The following MYH16 variants were observed in gnomAD, a reference collection of about 807,000 sequenced individuals.
The protein encoded by MYH16 is myosin heavy chain 16.
chr7:99,276,925 G>A (rs953226201), intron 20 of MYH16, among the ~76,000 whole-genome samples: 9 of 151,886 alleles, frequency 5.9e-5, no homozygotes, highest in African/African-American at 1.5e-4. Context: ...ACAGAGATGA[G>A]ACAGAGAAAG....
chr7:99,242,944 A>G (rs1481819990), intron 1 of MYH16, among the ~76,000 whole-genome samples: 1 of 152,260 alleles, frequency 6.6e-6, no homozygotes, highest in East Asian at 1.9e-4. Flanking sequence ...CTGGAAGAGA[A>G]GCAGAGCCCA....
At chr7:99,307,914 C>T (rs1792704290), downstream of MYH16, among the ~76,000 whole-genome samples, 1 of 151,916 alleles carries the variant, frequency 6.6e-6, no homozygotes, top group Non-Finnish European at 1.5e-5. Context: ...CGGGGTTTCA[C>T]CATGTTGGCC....
chr7:99,269,908 C>T (rs912855118), intron 18 of MYH16, among the ~76,000 whole-genome samples: 1 of 130,248 alleles, frequency 7.7e-6, no homozygotes, highest in African/African-American at 3.0e-5. Context: ...GAGTCTCACT[C>T]TGTTACCCAG....
At chr7:99,290,516 C>T (rs1418904783) in intron 30 of MYH16, among the ~76,000 whole-genome samples, 1 of 147,382 alleles carries the variant, frequency 6.8e-6, no homozygotes, top group Non-Finnish European at 1.5e-5. Flanking sequence ...AAATCAATAT[C>T]CAGCCGTGTG....
In MYH16 at chr7:99,251,562, C is replaced by T. The variant is rs896794187; in HGVS notation, n.729+376C>T. 4.2e-4 allele frequency among the ~76,000 whole-genome samples: 64 copies of T among 152,144 alleles called. 1 individual carries two copies. The highest frequency in any genetic ancestry group is 3.9e-3 in the Admixed American group (59 of 15,272). ...AAACATTCTCTGGGTTCTGCAGAGACCCAGACAGGGTTAACTTTTTTTTGT... is the reference window on the plus strand; with the variant it reads ...AAACATTCTCTGGGTTCTGCAGAGATCCAGACAGGGTTAACTTTTTTTTGT... On this transcript the variant is annotated intron_variant and non_coding_transcript_variant, in intron 6 of 41. Transcript: ENST00000439784.
chr7:99,283,233 A>T (rs1438939907), intron 23 of MYH16, among the ~76,000 whole-genome samples: 1 of 152,108 alleles, frequency 6.6e-6, no homozygotes, highest in Non-Finnish European at 1.5e-5. Flanking sequence ...AGTGGCTGGC[A>T]CTACAGACGT....
chr7:99,238,968 A>T (rs1791627075), exon 1 of MYH16: 1 of 152,756 alleles, frequency 6.5e-6, no homozygotes, highest in Non-Finnish European at 1.5e-5. Flanking sequence ...GATGAGAAGG[A>T]AGGCTTCGTC....
chr7:99,302,850 T>C (rs1792620714), intron 38 of MYH16, among the ~76,000 whole-genome samples: 1 of 141,536 alleles, frequency 7.1e-6, no homozygotes, highest in African/African-American at 2.7e-5. Flanking sequence ...AACTGCATAA[T>C]CCAGCCTGAG....
At chr7:99,245,530 T>TTTTG (rs916922865) in intron 2 of MYH16, among the ~76,000 whole-genome samples, 17 of 152,262 alleles carry the variant, frequency 1.1e-4, no homozygotes, top group Non-Finnish European at 2.1e-4. Flanking sequence ...TTCTGGGGTT[T>TTTTG]TTTGTTTGTT....
chr7:99,277,941 GACAGACAGACAGA>G (rs1792141632), intron 21 of MYH16, among the ~76,000 whole-genome samples: 1 of 129,882 alleles, frequency 7.7e-6, no homozygotes, highest in Admixed American at 8.8e-5. Context: ...GAGAGAGACA[GACAGACAGACAGA>G]CAGACAGACA....
rs1329749318 is a variant in MYH16 at position 99,302,312 on chromosome 7, AT to A, written n.5137+509del. On this transcript the variant is annotated intron_variant and non_coding_transcript_variant, in intron 38 of 41. Coordinates refer to ENST00000439784, the Ensembl canonical transcript of MYH16. ...GAGTGACCATCTCAAAAAAAAAAAA[AT>A]ATATACACACACACACACACACACA... is the stretch of plus-strand genomic sequence containing the variant. 5.1e-4 allele frequency among the ~76,000 whole-genome samples: 49 copies of A among 96,486 alleles called. 1 individual carries two copies. Among genetic ancestry groups the A allele is most frequent in the African/African-American group, 2.2e-3 (29 of 13,252 alleles). The allele number at this position is 96,486 out of a possible 152,430, so 63.3% of individuals were successfully genotyped here. A position where few individuals can be genotyped will look rare whatever the true frequency, so the allele number is the denominator to read the frequency against.
At chr7:99,286,028 GC>G (rs906285203) in intron 27 of MYH16, among the ~76,000 whole-genome samples, 6 of 152,218 alleles carry the variant, frequency 3.9e-5, no homozygotes, top group African/African-American at 1.4e-4. Context: ...AGGGCACAAG[GC>G]CCCCCAGGCA....
At chr7:99,273,146 G>C (rs1039514499) in intron 19 of MYH16, among the ~76,000 whole-genome samples, 69 bp downstream of exon 1, 1 of 152,080 alleles carries the variant, frequency 6.6e-6, no homozygotes, top group Non-Finnish European at 1.5e-5. Flanking sequence ...CTCCCTTATC[G>C]TGCTGCTAAG....
At chr7:99,304,057 AGGCTCCTCTC>A in intron 39 of MYH16, among the ~76,000 whole-genome samples, 1 of 152,168 alleles carries the variant, frequency 6.6e-6, no homozygotes, top group Non-Finnish European at 1.5e-5. Context: ...TTTCATCATC[AGGCTCCTCTC>A]ACTTGATCGA....
intron 3 of MYH16, among the ~76,000 whole-genome samples, chr7:99,248,058 A>G (rs1248315406): frequency 3.3e-5 from 5 of 152,152 alleles, no homozygotes; most frequent in Admixed American, 6.5e-5. Context: ...ACTCTTAACC[A>G]TTACCTCTAT....
At chr7:99,291,608 C>T (rs1266791576) in intron 31 of MYH16, among the ~76,000 whole-genome samples, 158 bp downstream of exon 12, 1 of 128,912 alleles carries the variant, frequency 7.8e-6, no homozygotes, top group Non-Finnish European at 1.6e-5. Flanking sequence ...GCCCGAACAA[C>T]ACAGCAAGAC....
At chr7:99,291,352 G>A (rs1792371994) in exon 31 of MYH16, 1 of 456,584 alleles carries the variant, frequency 2.2e-6, no homozygotes, top group Non-Finnish European at 4.4e-6. Context: ...CAGGGAATAT[G>A]AAGAGTCCCA....
intron 7 of MYH16, chr7:99,253,386 A>T (rs1791834214): frequency 6.6e-6 from 1 of 152,156 alleles, no homozygotes; most frequent in African/African-American, 2.4e-5. Flanking sequence ...TAAATAAATA[A>T]TCACACCACT....
At chr7:99,274,606 G>A (rs1022633774) in intron 20 of MYH16, among the ~76,000 whole-genome samples, 11 of 151,852 alleles carry the variant, frequency 7.2e-5, no homozygotes, top group African/African-American at 1.9e-4. Context: ...AAGGCCAGGC[G>A]TTGCCGGTGC....
Sources: gnomAD v4.1 joint callset for allele counts (sites outside exome capture counted in the v4.1 genomes callset) on GRCh38, gnomAD v4.1.1 for gene constraint, MANE v1.5 for transcripts, NCBI Gene and HGNC (gene_info 2026-07-23, HGNC 2026-07-21) for gene names.